Variants in SFMBT1 observed in about 807,000 individuals in gnomAD.
SFMBT1 encodes scm-like with four MBT domains protein 1.
A neutral mutation model predicts 108.7 loss-of-function variants in SFMBT1; 32 were observed. The ratio of observed to expected loss-of-function variants is 0.29; its 90% CI spans 0.22 to 0.40. The LOEUF is 0.40. Among genes scored for constraint, SFMBT1 ranks in the 10% least tolerant of loss-of-function variants. The probability of loss-of-function intolerance (pLI) is 1.00; values close to 1 mark genes in which losing one functional copy is unlikely to be tolerated. For missense variants in SFMBT1, 816 were observed against 1,059.6 expected (o/e 0.77, Z 3.19); for synonymous variants, 348 against 369.5 (o/e 0.94, Z 0.67).
intron 3 of SFMBT1, among the ~76,000 whole-genome samples, chr3:52,948,825 A>ATTTTTTTTT (rs71615878): frequency 0.25 from 19,558 of 77,518 alleles, 3,627 homozygotes; most frequent in Non-Finnish European, 0.29. Flanking sequence ...CTAATTTTTA[A>ATTTTTTTTT]TTTTTTTTTT....
At chr3:52,984,755 T>A (rs916207024) in intron 1 of SFMBT1, among the ~76,000 whole-genome samples, 15 of 151,054 alleles carry the variant, frequency 9.9e-5, no homozygotes, top group African/African-American at 3.4e-4. Context: ...TGTGTGTGTG[T>A]GTGTGTGTGT....
At chr3:52,928,601 C>CATATATATATAT in intron 8 of SFMBT1, 1 of 126,300 alleles carries the variant, frequency 7.9e-6, no homozygotes, top group African/African-American at 2.8e-5. Flanking sequence ...CATATATATA[C>CATATATATATAT]ATATATACAT....
chr3:53,040,546 C>T (rs1700005336), intron 1 of SFMBT1, among the ~76,000 whole-genome samples: 1 of 151,708 alleles, frequency 6.6e-6, no homozygotes, highest in Admixed American at 6.6e-5. Flanking sequence ...ATCTGCCCCA[C>T]ATCAGTTTAA....
At chr3:52,905,323 G>C (rs1328792008) in intron 20 of SFMBT1, 47 bp from the exon 21 acceptor site, 5 of 1,584,642 alleles carry the variant, frequency 3.2e-6, no homozygotes, top group Non-Finnish European at 4.3e-6. Context: ...CACATGAAAG[G>C]CAGCTTGATC....
chr3:52,987,976 AAT>A (rs886670271), intron 1 of SFMBT1, among the ~76,000 whole-genome samples: 5 of 152,270 alleles, frequency 3.3e-5, no homozygotes, highest in African/African-American at 9.6e-5. Context: ...AGGCTAAAAA[AAT>A]CAGTGTAATA....
chr3:52,960,235 A>G (rs551592243), intron 2 of SFMBT1, among the ~76,000 whole-genome samples: 18 of 152,206 alleles, frequency 1.2e-4, no homozygotes, highest in Admixed American at 2.0e-4. Context: ...GCATATTAAT[A>G]TAAGAGTGTA....
At chr3:52,979,613 A>T (rs1296024923) in intron 1 of SFMBT1, among the ~76,000 whole-genome samples, 1 of 152,242 alleles carries the variant, frequency 6.6e-6, no homozygotes, top group Non-Finnish European at 1.5e-5. Flanking sequence ...TGCAAACTAC[A>T]GTATGGCACT....
intron 1 of SFMBT1, chr3:53,043,404 A>G (rs1700117720): frequency 6.6e-6 from 1 of 152,224 alleles, no homozygotes; most frequent in Admixed American, 6.5e-5. Flanking sequence ...TCCTGTATAT[A>G]TAAGTCAACT....
chr3:52,942,223 T>C (rs1011499778), intron 4 of SFMBT1, among the ~76,000 whole-genome samples: 3 of 152,234 alleles, frequency 2.0e-5, no homozygotes, highest in Non-Finnish European at 4.4e-5. Context: ...AAAGTTAATT[T>C]CCTCATTTTC....
intron 1 of SFMBT1, among the ~76,000 whole-genome samples, chr3:53,013,631 T>C (rs1430727310): frequency 4.6e-4 from 58 of 126,088 alleles, no homozygotes; most frequent in African/African-American, 1.7e-3. Flanking sequence ...TTTTTTTTTT[T>C]TTTTTTTTTT....
intron 12 of SFMBT1, 67 bp from the exon 13 acceptor site, chr3:52,918,593 A>T: frequency 1.9e-6 from 2 of 1,052,462 alleles, no homozygotes; most frequent in Non-Finnish European, 2.7e-6. Context: ...TCATATGTGT[A>T]TTAAGGTTAC....
chr3:53,007,082 G>A (rs1698771628), intron 1 of SFMBT1, among the ~76,000 whole-genome samples: 1 of 152,190 alleles, frequency 6.6e-6, no homozygotes, highest in African/African-American at 2.4e-5. Context: ...CTAAATATGT[G>A]ACAGATGGGT....
rs530018792 is a variant in SFMBT1, at chr3:52,928,462, CTAAA to C, written c.898-125_898-122del. ...ATGTGGGTATTAATAATACTAAACA[CTAAA>C]TGTTAGCTCTGTGTTATGTAATACA... is the stretch of plus-strand genomic sequence containing the variant. On this transcript the variant is annotated intron_variant, in intron 8 of 20. Transcript: ENST00000394752. The C allele has an allele frequency of 1.8e-3, 1,725 of 975,256 alleles. 33 individuals are homozygous for C. The Admixed American group carries it at 0.024, about 14-fold the overall frequency. 60.4% of individuals were successfully genotyped at this position (975,256 alleles called of 1,614,324 possible).
intron 1 of SFMBT1, among the ~76,000 whole-genome samples, chr3:53,010,288 T>C (rs111500856): frequency 5.9e-5 from 9 of 152,336 alleles, no homozygotes; most frequent in African/African-American, 2.2e-4. Flanking sequence ...GTGCTCCTAC[T>C]GCAAGGAGTG....
intron 1 of SFMBT1, among the ~76,000 whole-genome samples, chr3:53,041,326 C>G (rs1486956309): frequency 1.3e-5 from 2 of 152,064 alleles, no homozygotes; most frequent in East Asian, 1.9e-4. Context: ...AATAATGTGT[C>G]AGTGTTCTTA....
At chr3:52,968,597 T>C (rs1179838919) in intron 2 of SFMBT1, among the ~76,000 whole-genome samples, 1 of 123,428 alleles carries the variant, frequency 8.1e-6, no homozygotes, top group Non-Finnish European at 1.7e-5. Flanking sequence ...TTCAAAACAG[T>C]TTCTTTTTTT....
chr3:53,036,292 T>C (rs968391509), intron 1 of SFMBT1, among the ~76,000 whole-genome samples: 3 of 152,190 alleles, frequency 2.0e-5, no homozygotes, highest in Non-Finnish European at 4.4e-5. Flanking sequence ...CCTACTCCAC[T>C]AGGAGGACTC....
chr3:52,960,027 A>G (rs1703907994), intron 2 of SFMBT1, among the ~76,000 whole-genome samples: 1 of 152,042 alleles, frequency 6.6e-6, no homozygotes, highest in Non-Finnish European at 1.5e-5. Flanking sequence ...TAATATCAAC[A>G]AACTGGAAGC....
At chr3:52,942,450 T>C (rs1156990185) in intron 4 of SFMBT1, among the ~76,000 whole-genome samples, 1 of 152,242 alleles carries the variant, frequency 6.6e-6, no homozygotes, top group African/African-American at 2.4e-5. Context: ...ATGATTCTCA[T>C]AACTTTTTGG....
Sources: gnomAD v4.1 joint callset for allele counts (sites outside exome capture counted in the v4.1 genomes callset) on GRCh38, gnomAD v4.1.1 for gene constraint, MANE v1.5 for transcripts, NCBI Gene and HGNC (gene_info 2026-07-23, HGNC 2026-07-21) for gene names.